DAPK1: variants seen among roughly 807,000 people sequenced by gnomAD.
DAPK1 encodes death associated protein kinase 1.
A neutral mutation model predicts 144.9 loss-of-function variants in DAPK1; 56 were observed. The ratio of observed to expected loss-of-function variants is 0.39; its 90% CI spans 0.31 to 0.48. DAPK1 has a LOEUF of 0.48. Ranked by LOEUF, DAPK1 falls within the 20% of genes least tolerant of loss-of-function variation. The probability of loss-of-function intolerance (pLI) is 0.95; values close to 1 mark genes in which losing one functional copy is unlikely to be tolerated. For missense variants in DAPK1, 1,454 were observed against 1,875.4 expected (o/e 0.78, Z 4.15); for synonymous variants, 690 against 749.0 (o/e 0.92, Z 1.29).
At chr9:87,670,971 G>A (rs1232995445) in intron 19 of DAPK1, among the ~76,000 whole-genome samples, 1 of 152,188 alleles carries the variant, frequency 6.6e-6, no homozygotes, top group Admixed American at 6.5e-5. Flanking sequence ...CTTACTGTGC[G>A]AGATGCAAAC....
At chr9:87,667,400 A>G (rs566917522) in intron 18 of DAPK1, among the ~76,000 whole-genome samples, 42 of 152,306 alleles carry the variant, frequency 2.8e-4, no homozygotes, top group African/African-American at 9.9e-4. Flanking sequence ...GCCAATGCCT[A>G]TTTGGTTGTC....
At chr9:87,694,855 G>A (rs920750805) in intron 21 of DAPK1, among the ~76,000 whole-genome samples, 7 of 152,146 alleles carry the variant, frequency 4.6e-5, no homozygotes, top group African/African-American at 1.7e-4. Flanking sequence ...GTGCCGCACT[G>A]TAGCTGCTTC....
chr9:87,525,613 A>T, intron 2 of DAPK1: 1 of 661,436 alleles, frequency 1.5e-6, no homozygotes. Context: ...GTCAGTTTCC[A>T]AAAAGAACCT....
chr9:87,678,183 C>T (rs1415113858), intron 19 of DAPK1, among the ~76,000 whole-genome samples: 6 of 152,224 alleles, frequency 3.9e-5, no homozygotes, highest in Admixed American at 3.9e-4. Context: ...CCAGCTGCCC[C>T]AGCATTTTAC....
At chr9:87,519,402 A>G (rs999861402) in intron 2 of DAPK1, among the ~76,000 whole-genome samples, 1 of 152,118 alleles carries the variant, frequency 6.6e-6, no homozygotes. Context: ...CCCAATGGCA[A>G]TTGTATTGCC....
intron 17 of DAPK1, among the ~76,000 whole-genome samples, chr9:87,652,554 G>A (rs1830489090): frequency 6.9e-6 from 1 of 144,870 alleles, no homozygotes; most frequent in Non-Finnish European, 1.5e-5. Flanking sequence ...TCCTGATTCT[G>A]TGTCCTCTCA....
In DAPK1 at chr9:87,698,727, C is replaced by T; in HGVS notation, c.2683C>T (p.Pro895Ser). The change falls in exon 23 of 26, where the codon CCT becomes TCT. Residue 895 changes from proline (P) to serine (S), a missense_variant. This residue lies in a region of DAPK1 where 1,025 missense variants were observed against 1,237.9 expected (regional missense o/e 0.83). Coordinates refer to ENST00000408954, the MANE Select transcript of DAPK1 (RefSeq NM_004938.4). ...VATHADIMNV[P>S]RPAGGEFGYD... is the part of the protein sequence containing the mutation. ...CACCCACGCTGACATCATGAATGTT[C>T]CTCGACCGGCTGGAGGCGAGTTTGG... is the stretch of plus-strand genomic sequence containing the variant. 1.3e-6 allele frequency: 2 copies of T among 1,599,944 alleles called. No individual in the cohort carries two copies. Among genetic ancestry groups the T allele is most frequent in the Non-Finnish European group, 8.6e-7 (1 of 1,167,038 alleles).
chr9:87,516,688 T>C (rs557589827), intron 2 of DAPK1, among the ~76,000 whole-genome samples: 1 of 152,286 alleles, frequency 6.6e-6, no homozygotes, highest in African/African-American at 2.4e-5. Context: ...GCAGCCCACA[T>C]GGCTTAATTA....
At chr9:87,503,023 A>G (rs1824465139) in intron 2 of DAPK1, among the ~76,000 whole-genome samples, 1 of 152,160 alleles carries the variant, frequency 6.6e-6, no homozygotes, top group Admixed American at 6.6e-5. Flanking sequence ...GCTGATGCTG[A>G]TACTGTTAGA....
At chr9:87,672,033 C>T (rs1824182218) in intron 19 of DAPK1, among the ~76,000 whole-genome samples, 2 of 152,164 alleles carry the variant, frequency 1.3e-5, no homozygotes, top group South Asian at 4.1e-4. Flanking sequence ...TCAGTGTCCC[C>T]GCTTGTCAAA....
intron 2 of DAPK1, among the ~76,000 whole-genome samples, chr9:87,549,944 G>A (rs115419889): frequency 1.3e-5 from 2 of 152,250 alleles, no homozygotes; most frequent in African/African-American, 4.8e-5. Flanking sequence ...AGTTGCAGGT[G>A]TCTGTATACC....
At chr9:87,561,114 T>G (rs1826899782) in intron 2 of DAPK1, among the ~76,000 whole-genome samples, 1 of 152,178 alleles carries the variant, frequency 6.6e-6, no homozygotes. Context: ...AAATAAAATA[T>G]GAAATTAAAA....
intron 25 of DAPK1, among the ~76,000 whole-genome samples, chr9:87,705,023 C>T (rs1232411447): frequency 6.6e-6 from 1 of 151,904 alleles, no homozygotes; most frequent in Non-Finnish European, 1.5e-5. Flanking sequence ...TCTGGTCTCA[C>T]TCCTCTCTCC....
intron 3 of DAPK1, among the ~76,000 whole-genome samples, chr9:87,606,892 T>C (rs1200225635): frequency 6.7e-6 from 1 of 149,022 alleles, no homozygotes. Flanking sequence ...GCTGAATCAC[T>C]CTTCCTTCAG....
intron 2 of DAPK1, among the ~76,000 whole-genome samples, chr9:87,521,432 A>AG (rs1825294114): frequency 6.6e-6 from 1 of 152,214 alleles, no homozygotes; most frequent in Non-Finnish European, 1.5e-5. Flanking sequence ...TGGATGAATG[A>AG]GGTTTCAAAG....
At chr9:87,643,195 AC>A (rs1333785281) in intron 10 of DAPK1, among the ~76,000 whole-genome samples, 180 bp from the exon 11 acceptor site, 1 of 152,012 alleles carries the variant, frequency 6.6e-6, no homozygotes, top group African/African-American at 2.4e-5. Flanking sequence ...AGCAAATACA[AC>A]CCATTCTGCT....
In DAPK1 at chr9:87,650,126, A is replaced by T; in HGVS notation, c.1626+8A>T. 1 of 1,613,848 alleles carries T rather than the reference A, an allele frequency of 6.2e-7. No individual in the cohort carries two copies. On this transcript the variant is annotated splice_region_variant and intron_variant, in intron 16 of 25. Coordinates refer to ENST00000408954, the MANE Select transcript of DAPK1 (RefSeq NM_004938.4). ...CTTAATGCTTGCGACAAGGTGCCTTATGGGGGAAGACTCATATGCACTGGG... is the reference window on the plus strand; with the variant it reads ...CTTAATGCTTGCGACAAGGTGCCTTTTGGGGGAAGACTCATATGCACTGGG...
At chr9:87,556,327 G>A (rs1470218412) in intron 2 of DAPK1, among the ~76,000 whole-genome samples, 4 of 152,342 alleles carry the variant, frequency 2.6e-5, no homozygotes, top group Non-Finnish European at 5.9e-5. Context: ...GAGAGGCAAG[G>A]TACTTTGCCC....
At chr9:87,666,535 A>G (rs1271044823) in intron 18 of DAPK1, among the ~76,000 whole-genome samples, 2 of 148,694 alleles carry the variant, frequency 1.3e-5, no homozygotes. Context: ...GTGCAGTGGC[A>G]CGATCTTGGC....
Sources: gnomAD v4.1 joint callset for allele counts (sites outside exome capture counted in the v4.1 genomes callset) on GRCh38, gnomAD v4.1.1 for gene constraint, gnomAD v4.1.1 regional missense constraint, MANE v1.5 for transcripts, NCBI Gene and HGNC (gene_info 2026-07-23, HGNC 2026-07-21) for gene names.